The following ANXA10 variants were observed in gnomAD, a reference collection of about 807,000 sequenced individuals.
ANXA10 encodes the protein annexin A10.
ANXA10 carries 49 observed loss-of-function variants against 53.5 expected under a neutral mutation model. The ratio of observed to expected loss-of-function variants is 0.92; its 90% CI spans 0.73 to 1.16. The LOEUF is 1.16. Ranked by LOEUF, ANXA10 falls within the 50% of genes most tolerant of loss-of-function variation. ANXA10 has a pLI of 0.00. For synonymous variants in ANXA10, 131 were observed against 128.9 expected, an observed-to-expected ratio of 1.02 and a Z score of -0.11; for missense variants, 393 against 394.4, an observed-to-expected ratio of 1.00 and a Z score of 0.03.
chr4:168,141,146 A>ATAG (rs1731319317), intron 3 of ANXA10, among the ~76,000 whole-genome samples: 1 of 151,984 alleles, frequency 6.6e-6, no homozygotes, highest in African/African-American at 2.4e-5. Flanking sequence ...TGTACATATA[A>ATAG]AGTCTCAGAG....
At chr4:168,104,500 C>G (rs966036180) in intron 1 of ANXA10, among the ~76,000 whole-genome samples, 2 of 151,830 alleles carry the variant, frequency 1.3e-5, no homozygotes, top group African/African-American at 4.8e-5. Context: ...GCAGAAATAT[C>G]CAGTAAAACC....
At chr4:168,099,631 C>T (rs538659795) in intron 1 of ANXA10, among the ~76,000 whole-genome samples, 2 of 152,152 alleles carry the variant, frequency 1.3e-5, no homozygotes, top group African/African-American at 4.8e-5. Flanking sequence ...AGATCTCACT[C>T]CCTTCTGGTT....
At chr4:168,121,818 G>A (rs1027265525) in intron 1 of ANXA10, among the ~76,000 whole-genome samples, 19 of 151,602 alleles carry the variant, frequency 1.3e-4, no homozygotes, top group African/African-American at 3.9e-4. Flanking sequence ...TGTTTGTTTG[G>A]TTTTGTTGTT....
intron 1 of ANXA10, among the ~76,000 whole-genome samples, chr4:168,121,610 A>G (rs1730986174): frequency 1.3e-5 from 2 of 152,226 alleles, no homozygotes; most frequent in Admixed American, 1.3e-4. Context: ...AAATAATTAA[A>G]TGCTTAGAGC....
intron 10 of ANXA10, among the ~76,000 whole-genome samples, chr4:168,182,866 C>T (rs753182873): frequency 1.3e-5 from 2 of 150,058 alleles, no homozygotes; most frequent in Admixed American, 6.6e-5. Flanking sequence ...AAAAATTAGC[C>T]GGGCGTGGTT....
At chr4:168,151,728 A>G (rs868501632) in intron 3 of ANXA10, among the ~76,000 whole-genome samples, 1 of 152,234 alleles carries the variant, frequency 6.6e-6, no homozygotes, top group African/African-American at 2.4e-5. Flanking sequence ...TTATTTAAAC[A>G]TGTTATTCGA....
intron 1 of ANXA10, among the ~76,000 whole-genome samples, chr4:168,123,349 G>T (rs1319610930): frequency 3.9e-5 from 6 of 152,074 alleles, no homozygotes; most frequent in Non-Finnish European, 5.9e-5. Flanking sequence ...GTATTGAATA[G>T]AACTGAGCTC....
intron 1 of ANXA10, among the ~76,000 whole-genome samples, chr4:168,123,141 C>T (rs1731016612): frequency 6.6e-6 from 1 of 152,158 alleles, no homozygotes; most frequent in African/African-American, 2.4e-5. Context: ...ATACCCTGAG[C>T]ATGCAATGTG....
chr4:168,156,242 TA>T (rs1441175679), intron 3 of ANXA10, among the ~76,000 whole-genome samples: 12 of 53,884 alleles, frequency 2.2e-4, no homozygotes, highest in Admixed American at 6.7e-4. Context: ...TTATATATAA[TA>T]GTATATATTA....
Position 168,139,941 on chromosome 4 carries a change from T to TA in ANXA10, c.195+367dup, listed in dbSNP as rs1228550550. On this transcript the variant is annotated intron_variant, in intron 3 of 11. Transcript: ENST00000359299. Reference sequence around the variant, plus strand: ...TGTGGCGAGCTTTAGGGAAGGCACATAAAAAATTAATGATCACCAGTTCAA... The same window carrying TA: ...TGTGGCGAGCTTTAGGGAAGGCACATAAAAAAATTAATGATCACCAGTTCAA... Among the ~76,000 whole-genome samples, 16 of 152,206 alleles carry TA rather than the reference T, an allele frequency of 1.1e-4. 1 individual carries two copies. Among genetic ancestry groups the TA allele is most frequent in the Admixed American group, 3.9e-4 (6 of 15,278 alleles).
At chr4:168,156,297 AT>A (rs1311288035) in intron 3 of ANXA10, among the ~76,000 whole-genome samples, 3 of 67,486 alleles carry the variant, frequency 4.4e-5, no homozygotes, top group Non-Finnish European at 7.9e-5. Context: ...ATTATATTAT[AT>A]TATATATAAT....
At chr4:168,148,470 A>G (rs1247729987) in intron 3 of ANXA10, among the ~76,000 whole-genome samples, 1 of 152,114 alleles carries the variant, frequency 6.6e-6, no homozygotes, top group Non-Finnish European at 1.5e-5. Flanking sequence ...TGGCCATGAC[A>G]ATTTTTTAAA....
intron 2 of ANXA10, among the ~76,000 whole-genome samples, chr4:168,135,258 C>T (rs964314927): frequency 1.3e-5 from 2 of 152,154 alleles, no homozygotes; most frequent in Non-Finnish European, 2.9e-5. Flanking sequence ...TGGCACTTAA[C>T]AAAGTCAGGT....
chr4:168,115,370 T>C (rs376705871), intron 1 of ANXA10, among the ~76,000 whole-genome samples: 3 of 152,140 alleles, frequency 2.0e-5, no homozygotes, highest in Admixed American at 6.5e-5. Flanking sequence ...TACACAGGGG[T>C]TGTGCAAATA....
intron 1 of ANXA10, among the ~76,000 whole-genome samples, 159 bp from the exon 2 acceptor site, chr4:168,127,925 T>C (rs533936341): frequency 6.7e-6 from 1 of 148,512 alleles, no homozygotes; most frequent in South Asian, 2.2e-4. Flanking sequence ...GGTTTCATCA[T>C]GTTGGCCAGG....
At chr4:168,117,484 C>G (rs1315420363) in intron 1 of ANXA10, among the ~76,000 whole-genome samples, 1 of 152,166 alleles carries the variant, frequency 6.6e-6, no homozygotes, top group Non-Finnish European at 1.5e-5. Flanking sequence ...GCTGCATATA[C>G]CAACTCTTTG....
At chr4:168,149,831 G>A (rs545951997) in intron 3 of ANXA10, among the ~76,000 whole-genome samples, 38 of 152,296 alleles carry the variant, frequency 2.5e-4, no homozygotes, top group African/African-American at 8.2e-4. Context: ...AGTGGTGAGC[G>A]TGAGCTTTCT....
intron 2 of ANXA10, among the ~76,000 whole-genome samples, chr4:168,138,577 C>A (rs768224143): frequency 2.6e-5 from 4 of 152,154 alleles, no homozygotes; most frequent in African/African-American, 7.2e-5. Flanking sequence ...GCTATTCAGG[C>A]CCTTTTTTGG....
At chr4:168,165,823 C>T (rs1379115943) in intron 6 of ANXA10, among the ~76,000 whole-genome samples, 8 of 151,926 alleles carry the variant, frequency 5.3e-5, no homozygotes, top group East Asian at 1.9e-4. Context: ...ACTCAAGGCA[C>T]GTGCCACCAC....
Sources: gnomAD v4.1 joint callset for allele counts (sites outside exome capture counted in the v4.1 genomes callset) on GRCh38, gnomAD v4.1.1 for gene constraint, MANE v1.5 for transcripts, NCBI Gene and HGNC (gene_info 2026-07-23, HGNC 2026-07-21) for gene names.